The following TAGLN3 variants were observed in gnomAD, a reference collection of about 807,000 sequenced individuals.
The protein encoded by TAGLN3 is transgelin 3, also known as transgelin-3.
In TAGLN3, 12 loss-of-function variants were observed where a neutral mutation model predicts 25.4. The ratio of observed to expected loss-of-function variants is 0.47; its 90% CI spans 0.30 to 0.77. The LOEUF (loss-of-function observed/expected upper bound fraction) is 0.77, where lower values mean the gene tolerates loss of function less well. Ranked by LOEUF, TAGLN3 falls within the 30% of genes least tolerant of loss-of-function variation. The pLI, the probability that TAGLN3 is intolerant of heterozygous loss-of-function variation, is 0.06. For missense variants in TAGLN3, 218 were observed against 255.8 expected, an observed-to-expected ratio of 0.85 and a Z score of 1.01; for synonymous variants, 96 against 94.8, an observed-to-expected ratio of 1.01 and a Z score of -0.08.
At position 112,013,388 on chromosome 3, in the gene TAGLN3, C is replaced by T. The variant is rs2073000130; in HGVS notation, c.459-22C>T. On this transcript the variant is annotated intron_variant, in intron 4 of 4. Transcript: ENST00000478951. ...GGAAAACTGTCATAATGACATTATT[C>T]CCTCTCACTTTCCTTGTCCAGGAAA... 4 of 1,603,198 alleles carry T rather than the reference C, an allele frequency of 2.5e-6. No homozygotes were observed. The Admixed American group carries it at 6.8e-5, about 27-fold the overall frequency.
chr3:112,000,416 T>C (rs2072842732), intron 2 of TAGLN3: 1 of 181,886 alleles, frequency 5.5e-6, no homozygotes, highest in Admixed American at 5.9e-5. Flanking sequence ...AGCCACTAAG[T>C]CATTCCTCCT....
chr3:112,007,171 C>T (rs7644889), intron 3 of TAGLN3, among the ~76,000 whole-genome samples: 16 of 152,162 alleles, frequency 1.1e-4, no homozygotes, highest in African/African-American at 3.4e-4. Context: ...CTCTCTCCCC[C>T]ACAAATGCAC....
Position 111,999,477 on chromosome 3 carries a change from G to T in TAGLN3, c.55G>T (p.Glu19Ter). The change falls in exon 2 of 5, where the codon GAG becomes TAG. Residue 19 changes from glutamate (E) to a stop codon, truncating the protein, a stop_gained. Transcript: ENST00000478951. LOFTEE classifies it high-confidence loss of function. ...GLSREVQEKI[E>*]QKYDADLENK... ...AAGCCGAGAGGTGCAGGAGAAGATC[G>T]AGCAGAAGTATGATGCGGACCTGGA... 1 of 1,614,190 alleles carries T rather than the reference G, an allele frequency of 6.2e-7. No individual in the cohort carries two copies. The highest frequency in any genetic ancestry group is 1.1e-5 in the South Asian group (1 of 91,072).
rs775597220 is a variant in TAGLN3, at chr3:112,013,486, G to A, written c.535G>A (p.Gly179Ser). The A allele has an allele frequency of 1.2e-6, 2 of 1,614,172 alleles. No homozygotes were observed. Among genetic ancestry groups the A allele is most frequent in the Non-Finnish European group, 1.7e-6 (2 of 1,180,022 alleles). The change falls in exon 5 of 5, where the codon GGC becomes AGC. Residue 179 changes from glycine to serine, a missense_variant. Coordinates refer to ENST00000478951, the MANE Select transcript of TAGLN3 (RefSeq NM_001008272.2). ...ACAGAACGTAATAGGCCTGCAGATG[G>A]GCAGCAACAAGGGAGCCTCCCAGGC... is the stretch of plus-strand genomic sequence containing the variant. ...QGQNVIGLQM[G>S]SNKGASQAGM... is the part of the protein sequence containing the mutation.
chr3:112,000,512 G>A, intron 2 of TAGLN3: 1 of 360,714 alleles, frequency 2.8e-6, no homozygotes, highest in Non-Finnish European at 5.0e-6. Context: ...AAGGAAGGGA[G>A]GAACAGGGAG....
At position 112,013,442 on chromosome 3, in the gene TAGLN3, A is replaced by G; in HGVS notation, c.491A>G (p.Glu164Gly). ...CAGCAGAATCGGAGAGGCTTTTCCG[A>G]GGAGCAGCTTCGCCAGGGACAGAAC... ...KAQQNRRGFS[E>G]EQLRQGQNVI... Residue 164 changes from glutamate (E) to glycine (G), a missense_variant, in exon 5 of 5, where the codon GAG (glutamate) becomes GGG (glycine). Coordinates refer to ENST00000478951, the MANE Select transcript of TAGLN3 (RefSeq NM_001008272.2). 1 of 1,613,816 alleles carries G rather than the reference A, an allele frequency of 6.2e-7. No homozygotes were observed. The highest frequency in any genetic ancestry group is 8.5e-7 in the Non-Finnish European group (1 of 1,179,746).
At chr3:112,002,450 GC>G (rs1297090054) in intron 3 of TAGLN3, among the ~76,000 whole-genome samples, 4 of 152,208 alleles carry the variant, frequency 2.6e-5, no homozygotes, top group African/African-American at 9.7e-5. Flanking sequence ...TAACTAGTCT[GC>G]CAACCCATTC....
At chr3:112,002,392 A>G (rs2072870379) in intron 3 of TAGLN3, among the ~76,000 whole-genome samples, 1 of 152,246 alleles carries the variant, frequency 6.6e-6, no homozygotes, top group African/African-American at 2.4e-5. Context: ...ATGAGATAGC[A>G]GAGCCAGAAT....
At chr3:112,003,879 T>TGGA (rs2072888997) in intron 3 of TAGLN3, among the ~76,000 whole-genome samples, 1 of 152,194 alleles carries the variant, frequency 6.6e-6, no homozygotes, top group Non-Finnish European at 1.5e-5. Context: ...CCCGTAAGTC[T>TGGA]GGAGGAGCCC....
chr3:112,010,400 A>G (rs1475509458), intron 3 of TAGLN3, among the ~76,000 whole-genome samples: 1 of 152,196 alleles, frequency 6.6e-6, no homozygotes, highest in Non-Finnish European at 1.5e-5. Flanking sequence ...TTCACTGCCT[A>G]AGAGCAAGTC....
At chr3:112,004,907 G>C (rs1459132225) in intron 3 of TAGLN3, among the ~76,000 whole-genome samples, 4 of 152,152 alleles carry the variant, frequency 2.6e-5, no homozygotes, top group African/African-American at 4.8e-5. Context: ...CAGCTGTGGA[G>C]CTTGTACCTC....
intron 3 of TAGLN3, 34 bp from the exon 4 acceptor site, chr3:112,011,729 C>A (rs201934027): frequency 1.3e-6 from 2 of 1,591,076 alleles, no homozygotes; most frequent in African/African-American, 1.3e-5. Context: ...GGCTCTGACA[C>A]GTGCTTGGCT....
intron 3 of TAGLN3, among the ~76,000 whole-genome samples, chr3:112,006,371 C>T (rs1444005170): frequency 6.6e-6 from 1 of 152,186 alleles, no homozygotes; most frequent in Admixed American, 6.5e-5. Context: ...AAGCAACAAA[C>T]ATTTACAAAA....
intron 3 of TAGLN3, among the ~76,000 whole-genome samples, chr3:112,009,242 T>C (rs2072950000): frequency 6.6e-6 from 1 of 152,206 alleles, no homozygotes; most frequent in South Asian, 2.1e-4. Flanking sequence ...TGATATCACT[T>C]GGCCAGAACA....
chr3:112,001,145 C>T (rs2072854817), intron 3 of TAGLN3, among the ~76,000 whole-genome samples, 199 bp downstream of exon 3: 1 of 152,194 alleles, frequency 6.6e-6, no homozygotes, highest in South Asian at 2.1e-4. Context: ...ATGGAACACA[C>T]ACCCTGAGGA....
intron 3 of TAGLN3, among the ~76,000 whole-genome samples, chr3:112,011,129 T>C (rs939558907): frequency 6.6e-6 from 1 of 152,184 alleles, no homozygotes; most frequent in Non-Finnish European, 1.5e-5. Context: ...TCTTCTCAGT[T>C]TAGGACAGGT....
intron 2 of TAGLN3, 141 bp downstream of exon 2, chr3:111,999,743 T>G (rs1708751303): frequency 8.8e-7 from 1 of 1,139,982 alleles, no homozygotes. Flanking sequence ...ATGCCTTTAT[T>G]TCTTCAGGGT....
chr3:112,002,706 G>A (rs1328648601), intron 3 of TAGLN3, among the ~76,000 whole-genome samples: 1 of 151,840 alleles, frequency 6.6e-6, no homozygotes, highest in East Asian at 1.9e-4. Flanking sequence ...GGAGGTCTGT[G>A]GGAGGTGAGG....
At chr3:112,002,138 T>G (rs778690772) in intron 3 of TAGLN3, among the ~76,000 whole-genome samples, 3 of 152,198 alleles carry the variant, frequency 2.0e-5, no homozygotes, top group African/African-American at 2.4e-5. Flanking sequence ...CAAATTCTCA[T>G]GTAATTTCAC....
Sources: gnomAD v4.1 joint callset for allele counts (sites outside exome capture counted in the v4.1 genomes callset) on GRCh38, gnomAD v4.1.1 for gene constraint, MANE v1.5 for transcripts, NCBI Gene and HGNC (gene_info 2026-07-23, HGNC 2026-07-21) for gene names.